The following FAM120C variants were observed in gnomAD, a reference collection of about 807,000 sequenced individuals.
FAM120C encodes the protein constitutive coactivator of PPAR-gamma-like protein 2.
Under a neutral mutation model 71.2 loss-of-function variants are expected in FAM120C, and 14 were observed. The observed-to-expected ratio is 0.20, with a 90% CI of 0.13 to 0.31. FAM120C has a LOEUF of 0.31. Ranked by LOEUF, FAM120C falls within the 10% of genes least tolerant of loss-of-function variation. The probability of loss-of-function intolerance (pLI) is 1.00; values close to 1 mark genes in which losing one functional copy is unlikely to be tolerated. For synonymous variants in FAM120C, 354 were observed against 353.2 expected (o/e 1.00, Z -0.03); for missense variants, 500 against 879.0 (o/e 0.57, Z 5.45).
At position 54,183,242 on chromosome X, in the gene FAM120C, T is replaced by C. The variant is rs1168034419; in HGVS notation, c.-44A>G. The C allele has an allele frequency of 1.2e-5, 12 of 971,977 alleles. No individual in the cohort carries two copies. The highest frequency in any genetic ancestry group is 6.5e-5 in the South Asian group (2 of 30,807). 80.1% of individuals were successfully genotyped at this position (971,977 alleles called of 1,213,427 possible). A position where few individuals can be genotyped will look rare whatever the true frequency, so the allele number is the denominator to read the frequency against. ...CGCGATAGCGGCTGCGCAAGCAGGA[T>C]AGGCGACGATCTGGGCGCGAAGCTG... On this transcript the variant is annotated 5_prime_UTR_variant, in exon 1 of 16. Coordinates refer to ENST00000375180, the MANE Select transcript of FAM120C (RefSeq NM_017848.6).
chrX:54,102,613 C>G (rs1241615423), intron 10 of FAM120C, among the ~76,000 whole-genome samples: 1 of 45,261 alleles, frequency 2.2e-5, no homozygotes, highest in East Asian at 6.3e-4. Flanking sequence ...CCCTAAAGAT[C>G]AAATCACATC....
intron 10 of FAM120C, among the ~76,000 whole-genome samples, chrX:54,094,973 G>C (rs1411458501): frequency 9.1e-6 from 1 of 109,612 alleles, no homozygotes; most frequent in Non-Finnish European, 1.9e-5. Flanking sequence ...TGAGGTGGGA[G>C]AGAGAATTGC....
intron 1 of FAM120C, among the ~76,000 whole-genome samples, chrX:54,180,376 T>G (rs782402594): frequency 2.7e-5 from 3 of 112,376 alleles, no homozygotes; most frequent in Admixed American, 1.9e-4. Context: ...AGGGGCCACA[T>G]TTTTCATCAC....
At chrX:54,136,226 C>T (rs1557130532) in intron 5 of FAM120C, among the ~76,000 whole-genome samples, 1 of 111,599 alleles carries the variant, frequency 9.0e-6, no homozygotes, top group Admixed American at 9.6e-5. Flanking sequence ...TCGTGAACTC[C>T]TGACCTCAGA....
chrX:54,155,166 T>C (rs1473293479), intron 3 of FAM120C, among the ~76,000 whole-genome samples: 1 of 111,557 alleles, frequency 9.0e-6, no homozygotes, highest in Non-Finnish European at 1.9e-5. Flanking sequence ...ATCGCCCCAC[T>C]GCACTCTAGG....
chrX:54,092,232 TAGGGTTACTAA>T (rs1557122721), intron 10 of FAM120C, among the ~76,000 whole-genome samples: 1 of 110,721 alleles, frequency 9.0e-6, no homozygotes, highest in Non-Finnish European at 1.9e-5. Context: ...GAGGATTAAA[TAGGGTTACTAA>T]AGAAAAAAAT....
intron 10 of FAM120C, among the ~76,000 whole-genome samples, chrX:54,092,608 A>G (rs782652015): frequency 2.3e-4 from 25 of 110,920 alleles, no homozygotes; most frequent in Non-Finnish European, 4.5e-4. Context: ...GGAAATAAAA[A>G]AGAAAGTAGA....
intron 10 of FAM120C, among the ~76,000 whole-genome samples, chrX:54,109,615 T>TAA (rs1311020135): frequency 1.5e-5 from 1 of 64,784 alleles, no homozygotes. Context: ...ACCCTGGCTA[T>TAA]AAAAAAAAAA....
At chrX:54,091,222 A>G (rs782120028) in intron 11 of FAM120C, 90 bp downstream of exon 11, 3 of 562,001 alleles carry the variant, frequency 5.3e-6, no homozygotes, top group South Asian at 6.7e-5. Context: ...AGAACTTACT[A>G]TTTTCCTCAG....
chrX:54,107,474 G>A (rs782125135), intron 10 of FAM120C, among the ~76,000 whole-genome samples: 6 of 109,621 alleles, frequency 5.5e-5, no homozygotes, highest in Non-Finnish European at 9.5e-5. Flanking sequence ...CTGTGGCCCA[G>A]GAACATGTTA....
chrX:54,148,483 C>A (rs782258045), intron 4 of FAM120C, among the ~76,000 whole-genome samples: 29 of 111,057 alleles, frequency 2.6e-4, no homozygotes, highest in African/African-American at 8.2e-4. Context: ...CCTGTCTCTA[C>A]GAAAAGTACA....
At chrX:54,118,222 T>TAA (rs781998925) in intron 9 of FAM120C, among the ~76,000 whole-genome samples, 158 of 90,772 alleles carry the variant, frequency 1.7e-3, no homozygotes, top group African/African-American at 5.8e-3. Flanking sequence ...AAACTCCATC[T>TAA]AAAAAAAAAA....
At chrX:54,143,090 A>G (rs1249729631) in intron 4 of FAM120C, among the ~76,000 whole-genome samples, 2 of 111,751 alleles carry the variant, frequency 1.8e-5, no homozygotes, top group African/African-American at 3.3e-5. Flanking sequence ...CCATCTGTAC[A>G]TCACCATCAT....
Position 54,071,428 on chromosome X carries a change from T to C in FAM120C, c.*1605A>G, listed in dbSNP as rs2066708303. ...GAATGTCAATGAACAAATGAAACAA[T>C]CTAGGCGTGTAAAATCAAATAGTTT... On this transcript the variant is annotated 3_prime_UTR_variant, in exon 16 of 16. Coordinates refer to ENST00000375180, the MANE Select transcript of FAM120C (RefSeq NM_017848.6). 8.9e-6 allele frequency: 1 copy of C among 112,662 alleles called. No individual in the cohort carries two copies. The highest frequency in any genetic ancestry group is 3.2e-5 in the African/African-American group (1 of 31,090). 9.3% of individuals were successfully genotyped at this position (112,662 alleles called of 1,213,427 possible). A position where few individuals can be genotyped will look rare whatever the true frequency, so the allele number is the denominator to read the frequency against.
At position 54,080,818 on chromosome X, in the gene FAM120C, C is replaced by T. The variant is rs112470878; in HGVS notation, c.2978+504G>A. On this transcript the variant is annotated intron_variant, in intron 14 of 15. Coordinates refer to ENST00000375180, the MANE Select transcript of FAM120C (RefSeq NM_017848.6). ...TGGAGGTTGCAGTGTGCCAAGACCACACCATTGCACTTTGACCTGGGAAAC... is the reference window on the plus strand; with the variant it reads ...TGGAGGTTGCAGTGTGCCAAGACCATACCATTGCACTTTGACCTGGGAAAC... Among the ~76,000 whole-genome samples the T allele has an allele frequency of 6.4e-3, 614 of 95,326 alleles. 6 individuals are homozygous for T. The highest frequency in any genetic ancestry group is 0.023 in the African/African-American group (589 of 25,379). 82.8% of individuals were successfully genotyped at this position (95,326 alleles called of 115,157 possible).
In FAM120C at chrX:54,112,596, C is replaced by G. The variant is rs1557125908; in HGVS notation, c.2312+3949G>C. Among the ~76,000 whole-genome samples the G allele has an allele frequency of 2.7e-5, 3 of 109,916 alleles. No individual in the cohort carries two copies. In the South Asian group the frequency reaches 1.2e-3, roughly 42 times the overall value. ...GTGGCTCATGCCTGTAATCCCAGCA[C>G]TTTGGGAGGCTGAGGCGGGCGGATC... is the stretch of plus-strand genomic sequence containing the variant. On this transcript the variant is annotated intron_variant, in intron 10 of 15. Coordinates refer to ENST00000375180, the MANE Select transcript of FAM120C (RefSeq NM_017848.6).
At chrX:54,092,690 C>A (rs1234482703) in intron 10 of FAM120C, among the ~76,000 whole-genome samples, 1 of 111,552 alleles carries the variant, frequency 9.0e-6, no homozygotes, top group Non-Finnish European at 1.9e-5. Context: ...GAAGACACTG[C>A]AGGATTGTCA....
chrX:54,107,457 T>C (rs781981007), intron 10 of FAM120C, among the ~76,000 whole-genome samples: 1 of 109,917 alleles, frequency 9.1e-6, no homozygotes, highest in Non-Finnish European at 1.9e-5. Flanking sequence ...TATGGGACAA[T>C]GTAGGGCTGT....
intron 9 of FAM120C, among the ~76,000 whole-genome samples, chrX:54,127,584 C>CA (rs782016062): frequency 0.024 from 591 of 24,996 alleles, 13 homozygotes; most frequent in African/African-American, 0.063. Context: ...GACTCCATCT[C>CA]AAAAAAAAAA....
Sources: gnomAD v4.1 joint callset for allele counts (sites outside exome capture counted in the v4.1 genomes callset) on GRCh38, gnomAD v4.1.1 for gene constraint, MANE v1.5 for transcripts, NCBI Gene and HGNC (gene_info 2026-07-23, HGNC 2026-07-21) for gene names.